The following ABCG2 variants were observed in gnomAD, a reference collection of about 807,000 sequenced individuals.
The protein encoded by ABCG2 is ATP binding cassette subfamily G member 2 (JR blood group).
ABCG2 carries 80 observed loss-of-function variants against 73.5 expected under a neutral mutation model. That is an observed-to-expected ratio of 1.09 (90% CI 0.91 to 1.31). The LOEUF (loss-of-function observed/expected upper bound fraction) is 1.31, where lower values mean the gene tolerates loss of function less well. ABCG2 is among the 50% of genes most tolerant of loss of function. ABCG2 has a pLI of 0.00. For missense variants in ABCG2, 796 were observed against 786.2 expected (o/e 1.01, Z -0.15); for synonymous variants, 269 against 282.4 (o/e 0.95, Z 0.48).
In ABCG2 at chr4:88,092,075, T is replaced by C; in HGVS notation, c.*159A>G. 1 of 662,014 alleles carries C rather than the reference T, an allele frequency of 1.5e-6. No homozygotes were observed. The highest frequency in any genetic ancestry group is 2.5e-6 in the Non-Finnish European group (1 of 401,008). The allele number at this position is 662,014 out of a possible 1,614,324, so 41.0% of individuals were successfully genotyped here. On this transcript the variant is annotated 3_prime_UTR_variant, in exon 16 of 16. Coordinates refer to ENST00000237612, the MANE Select transcript of ABCG2 (RefSeq NM_004827.3). The stretch of plus-strand genomic sequence containing the variant: ...TGGGTTCTTTCATGTTTAATTCAGT[T>C]TGTTGTGATTTCTAAAAATGTATCT...
chr4:88,165,290 A>G (rs1451406289), intron 1 of ABCG2, among the ~76,000 whole-genome samples: 1 of 152,232 alleles, frequency 6.6e-6, no homozygotes, highest in Non-Finnish European at 1.5e-5. Flanking sequence ...CAACACAAGT[A>G]TATTACATTT....
In ABCG2 at chr4:88,186,343, C is replaced by T. The variant is rs538825884; in HGVS notation, c.-20+44651G>A. Among the ~76,000 whole-genome samples, 384 of 152,224 alleles carry T rather than the reference C, an allele frequency of 2.5e-3. 1 individual carries two copies. Among genetic ancestry groups the T allele is most frequent in the Non-Finnish European group, 4.4e-3 (300 of 68,014 alleles). ...GCGAACTCATGGAGATAGAGCAGAACGGTGGTTAGGGGCCAGGCGCAGTGG... is the reference window on the plus strand; with the variant it reads ...GCGAACTCATGGAGATAGAGCAGAATGGTGGTTAGGGGCCAGGCGCAGTGG... On this transcript the variant is annotated intron_variant, in intron 1 of 15. Coordinates refer to the ABCG2 transcript ENST00000515655.
chr4:88,097,308 T>A, intron 13 of ABCG2, 145 bp downstream of exon 13: 4 of 866,204 alleles, frequency 4.6e-6, no homozygotes, highest in Non-Finnish European at 6.9e-6. Context: ...TTCTCTAACA[T>A]AATCTATTCC....
At chr4:88,103,573 T>C (rs1722588926) in intron 10 of ABCG2, among the ~76,000 whole-genome samples, 1 of 152,256 alleles carries the variant, frequency 6.6e-6, no homozygotes, top group Non-Finnish European at 1.5e-5. Context: ...CATTTATTTT[T>C]TGTGGTAAAA....
intron 1 of ABCG2, among the ~76,000 whole-genome samples, chr4:88,153,869 A>G (rs1027925904): frequency 3.3e-5 from 5 of 152,176 alleles, no homozygotes; most frequent in African/African-American, 1.2e-4. Flanking sequence ...GGCATGAGAA[A>G]TTCCTGAGGA....
At chr4:88,121,486 G>A (rs1410903290) in intron 6 of ABCG2, 149 bp downstream of exon 6, 1 of 818,158 alleles carries the variant, frequency 1.2e-6, no homozygotes, top group Non-Finnish European at 1.9e-6. Flanking sequence ...TGTTTTTCTT[G>A]ATAATGCTTT....
chr4:88,187,253 C>G (rs1728503675), intron 1 of ABCG2, among the ~76,000 whole-genome samples: 1 of 151,606 alleles, frequency 6.6e-6, no homozygotes, highest in Non-Finnish European at 1.5e-5. Context: ...TTACAGGCAA[C>G]AGAAATTTAT....
intron 1 of ABCG2, among the ~76,000 whole-genome samples, chr4:88,171,708 G>A (rs938391181): frequency 1.3e-5 from 2 of 151,422 alleles, no homozygotes. Context: ...TGAATTTTTT[G>A]TTGGCTGCCT....
At chr4:88,229,953 GAAAT>G (rs1730385819) in intron 1 of ABCG2, among the ~76,000 whole-genome samples, 1 of 150,236 alleles carries the variant, frequency 6.7e-6, no homozygotes, top group Non-Finnish European at 1.5e-5. Flanking sequence ...ATAGGAGAAA[GAAAT>G]CAGCTATTTT....
intron 1 of ABCG2, among the ~76,000 whole-genome samples, chr4:88,222,707 C>A (rs865936884): frequency 3.3e-5 from 5 of 152,156 alleles, no homozygotes; most frequent in African/African-American, 9.7e-5. Context: ...GGTTGGAGCC[C>A]CCACACAGAG....
chr4:88,221,043 C>T (rs1005640601), intron 1 of ABCG2, among the ~76,000 whole-genome samples: 9 of 152,042 alleles, frequency 5.9e-5, no homozygotes, highest in Admixed American at 2.6e-4. Context: ...CCAAGGTGGG[C>T]GGATCACTTG....
chr4:88,223,564 C>T (rs1350962727), intron 1 of ABCG2: 1 of 152,146 alleles, frequency 6.6e-6, no homozygotes, highest in Admixed American at 6.5e-5. Context: ...ACTGAGGGCT[C>T]CCCAGCCCTG....
At chr4:88,215,725 C>T (rs1203162974) in intron 1 of ABCG2, among the ~76,000 whole-genome samples, 1 of 152,220 alleles carries the variant, frequency 6.6e-6, no homozygotes, top group Non-Finnish European at 1.5e-5. Context: ...CTGCTTTGAT[C>T]TGCTGTGCCC....
At chr4:88,184,200 T>C (rs566848375) in intron 1 of ABCG2, among the ~76,000 whole-genome samples, 1 of 152,154 alleles carries the variant, frequency 6.6e-6, no homozygotes, top group Admixed American at 6.5e-5. Context: ...GTACTGGAAG[T>C]CCTATTTAGA....
chr4:88,099,413 G>A lies in ABCG2; in HGVS notation c.1403C>T (p.Ser468Phe). 14 of 1,611,764 alleles carry A rather than the reference G, an allele frequency of 8.7e-6. No homozygotes were observed. The highest frequency in any genetic ancestry group is 1.2e-5 in the Non-Finnish European group (14 of 1,178,992). ...AGATAACAGTTTTCCAAGGAAATAA[G>A]ATGACACTCTGTAGTATCCGCTGAT... ...EYISGYYRVSSYFLGKLLSDL... is the reference protein window; with the variant it reads ...EYISGYYRVSFYFLGKLLSDL... The change falls in exon 12 of 16, where the codon TCT becomes TTT. Residue 468 changes from serine (S) to phenylalanine (F), a missense_variant. Coordinates refer to ENST00000237612, the MANE Select transcript of ABCG2 (RefSeq NM_004827.3).
intron 1 of ABCG2, among the ~76,000 whole-genome samples, chr4:88,142,699 C>A (rs2622620): frequency 0.43 from 65,103 of 152,010 alleles, 14,677 homozygotes; most frequent in East Asian, 0.63. Flanking sequence ...GTAGTCCCAG[C>A]ACTTTGGGAG....
intron 1 of ABCG2, among the ~76,000 whole-genome samples, chr4:88,228,262 G>A (rs375665340): frequency 5.3e-5 from 8 of 152,080 alleles, no homozygotes; most frequent in Admixed American, 1.3e-4. Context: ...GTAGACAGCC[G>A]GACTGAGGGA....
At chr4:88,183,476 T>C (rs1280284319) in intron 1 of ABCG2, among the ~76,000 whole-genome samples, 1 of 151,902 alleles carries the variant, frequency 6.6e-6, no homozygotes, top group Non-Finnish European at 1.5e-5. Context: ...CTAGAAGAAA[T>C]AAATTCTTGA....
At chr4:88,137,061 A>AAAATAAAATAAAAT (rs1402480427) in intron 2 of ABCG2, among the ~76,000 whole-genome samples, 12 of 149,814 alleles carry the variant, frequency 8.0e-5, no homozygotes, top group South Asian at 2.1e-4. Flanking sequence ...AAAATAAAAT[A>AAAATAAAATAAAAT]AGAATGAGGA....
Sources: gnomAD v4.1 joint callset for allele counts (sites outside exome capture counted in the v4.1 genomes callset) on GRCh38, gnomAD v4.1.1 for gene constraint, MANE v1.5 for transcripts, NCBI Gene and HGNC (gene_info 2026-07-23, HGNC 2026-07-21) for gene names.